Variants in GRM3 observed in about 807,000 individuals in gnomAD.
The protein encoded by GRM3 is glutamate metabotropic receptor 3, also known as metabotropic glutamate receptor 3.
Under a neutral mutation model 70.5 loss-of-function variants are expected in GRM3, and 26 were observed. That is an observed-to-expected ratio of 0.37 (90% CI 0.27 to 0.51). The LOEUF is 0.51. GRM3 is among the 20% of genes least tolerant of loss of function. GRM3 has a pLI of 0.93. For synonymous variants in GRM3, 443 were observed against 434.9 expected (o/e 1.02, Z -0.23); for missense variants, 859 against 1,123.8 (o/e 0.76, Z 3.37).
At chr7:86,672,613 T>C (rs1026140590) in intron 1 of GRM3, among the ~76,000 whole-genome samples, 4 of 152,078 alleles carry the variant, frequency 2.6e-5, no homozygotes, top group African/African-American at 9.7e-5. Context: ...TGTTTTTTTT[T>C]TCAGGAGACC....
chr7:86,768,825 GT>G (rs1431388640), intron 2 of GRM3, among the ~76,000 whole-genome samples: 1 of 152,088 alleles, frequency 6.6e-6, no homozygotes, highest in Non-Finnish European at 1.5e-5. Flanking sequence ...CAAGCCAGGA[GT>G]TGGAGCAATT....
chr7:86,646,016 T>TGGG (rs1562811332), intron 1 of GRM3, among the ~76,000 whole-genome samples: 6 of 9,898 alleles, frequency 6.1e-4, no homozygotes, highest in African/African-American at 2.1e-3. Flanking sequence ...TGGGGGGGGG[T>TGGG]GGGAGGGAGT....
At chr7:86,752,379 G>A (rs1456280894) in intron 1 of GRM3, among the ~76,000 whole-genome samples, 3 of 152,074 alleles carry the variant, frequency 2.0e-5, no homozygotes, top group African/African-American at 7.2e-5. Flanking sequence ...TACAAAGAAA[G>A]GAAAGCAAAC....
At chr7:86,695,808 T>C (rs2116059088) in intron 1 of GRM3, among the ~76,000 whole-genome samples, 1 of 152,300 alleles carries the variant, frequency 6.6e-6, no homozygotes, top group Admixed American at 6.5e-5. Context: ...TCACAATATC[T>C]AGATCTAAGG....
chr7:86,780,573 A>AG (rs1255623202), intron 2 of GRM3, among the ~76,000 whole-genome samples: 2 of 152,218 alleles, frequency 1.3e-5, no homozygotes, highest in African/African-American at 4.8e-5. Flanking sequence ...ACATGGAAAG[A>AG]GATTCTGCTA....
At chr7:86,838,623 C>A (rs956781234) in intron 3 of GRM3, among the ~76,000 whole-genome samples, 6 of 152,076 alleles carry the variant, frequency 3.9e-5, no homozygotes, top group African/African-American at 1.4e-4. Flanking sequence ...TACTTGGCAC[C>A]CTTTGATACT....
chr7:86,757,956 A>C (rs1796387851), intron 1 of GRM3, among the ~76,000 whole-genome samples: 1 of 152,156 alleles, frequency 6.6e-6, no homozygotes, highest in Non-Finnish European at 1.5e-5. Flanking sequence ...TATCTTTGTA[A>C]AGACATGTGT....
chr7:86,785,907 A>G (rs2116537180), intron 2 of GRM3: 1 of 168,556 alleles, frequency 5.9e-6, no homozygotes, highest in South Asian at 1.7e-4. Context: ...TCATTGCTTG[A>G]GCTATATATA....
intron 1 of GRM3, among the ~76,000 whole-genome samples, chr7:86,727,104 A>C (rs1004052769): frequency 4.6e-5 from 7 of 152,244 alleles, no homozygotes; most frequent in African/African-American, 1.2e-4. Context: ...GGCAGGAGGA[A>C]GATAAATACA....
rs572389658 is a variant in GRM3, at chr7:86,850,485, C to G, written c.2507C>G (p.Thr836Arg). The G allele has an allele frequency of 6.2e-7, 1 of 1,611,858 alleles. No individual in the cohort carries two copies. The highest frequency in any genetic ancestry group is 1.1e-5 in the South Asian group (1 of 91,038). ...ILFQPQKNVV[T>R]HRLHLNRFSV... ...TTTCAACCCCAGAAGAATGTTGTCA[C>G]ACACAGACTGCACCTCAACAGGTTC... is the stretch of plus-strand genomic sequence containing the variant. Residue 836 changes from threonine (T) to arginine (R), a missense_variant, in exon 5 of 6, where the codon ACA becomes AGA. Coordinates refer to ENST00000361669, the MANE Select transcript of GRM3 (RefSeq NM_000840.3).
intron 1 of GRM3, among the ~76,000 whole-genome samples, chr7:86,645,914 C>T (rs924416409): frequency 1.4e-5 from 2 of 143,408 alleles, no homozygotes; most frequent in African/African-American, 2.6e-5. Context: ...AACAATAGTT[C>T]CTTAGAGTTT....
chr7:86,735,368 T>TG (rs1445445944), intron 1 of GRM3, among the ~76,000 whole-genome samples: 1 of 152,032 alleles, frequency 6.6e-6, no homozygotes, highest in Non-Finnish European at 1.5e-5. Flanking sequence ...CAAAAAAAAA[T>TG]CCCACTTGTT....
At chr7:86,714,767 T>C (rs78546311) in intron 1 of GRM3, among the ~76,000 whole-genome samples, 4,665 of 151,980 alleles carry the variant, frequency 0.031, 91 homozygotes, top group East Asian at 0.063. Context: ...TTCAGGAAAA[T>C]ATTTTTGCTG....
intron 3 of GRM3, among the ~76,000 whole-genome samples, chr7:86,818,095 G>A (rs1234730358): frequency 1.3e-5 from 2 of 151,854 alleles, no homozygotes; most frequent in Non-Finnish European, 2.9e-5. Context: ...CTTCTCAAAC[G>A]ATCCATCTAT....
intron 3 of GRM3, among the ~76,000 whole-genome samples, chr7:86,832,593 C>G (rs1395878838): frequency 6.6e-6 from 1 of 152,000 alleles, no homozygotes; most frequent in South Asian, 2.1e-4. Context: ...TTTATGAATG[C>G]GAACCCAAGC....
At chr7:86,825,087 G>T (rs1197489173) in intron 3 of GRM3, among the ~76,000 whole-genome samples, 3 of 151,834 alleles carry the variant, frequency 2.0e-5, no homozygotes, top group Non-Finnish European at 4.4e-5. Context: ...TCATTTTTTT[G>T]AATTTCATCC....
At chr7:86,750,946 T>C (rs1245788571) in intron 1 of GRM3, among the ~76,000 whole-genome samples, 1 of 152,082 alleles carries the variant, frequency 6.6e-6, no homozygotes, top group African/African-American at 2.4e-5. Flanking sequence ...ACATTTTAAA[T>C]ATGAGAGTCC....
chr7:86,672,252 G>A (rs1794189934), intron 1 of GRM3, among the ~76,000 whole-genome samples: 2 of 152,124 alleles, frequency 1.3e-5, no homozygotes, highest in South Asian at 4.1e-4. Flanking sequence ...TAGTGGAGAA[G>A]GGATTAAAAC....
chr7:86,671,245 C>T (rs1794164489), intron 1 of GRM3, among the ~76,000 whole-genome samples: 1 of 152,110 alleles, frequency 6.6e-6, no homozygotes, highest in African/African-American at 2.4e-5. Context: ...TGTGCCCTTC[C>T]ATATATTTCT....
Sources: allele counts gnomAD v4.1 joint callset (sites outside exome capture counted in the v4.1 genomes callset), GRCh38; gene constraint gnomAD v4.1.1; transcripts MANE v1.5; gene names NCBI Gene and HGNC (gene_info 2026-07-23, HGNC 2026-07-21).